Variants in NIPA1 observed in about 807,000 individuals in gnomAD.
The protein encoded by NIPA1 is NIPA magnesium transporter 1.
In NIPA1, 13 loss-of-function variants were observed where a neutral mutation model predicts 23.9. The observed-to-expected ratio is 0.54, with a 90% CI of 0.35 to 0.87. The LOEUF (loss-of-function observed/expected upper bound fraction) is 0.87, where lower values mean the gene tolerates loss of function less well. Among genes scored for constraint, NIPA1 ranks in the 40% least tolerant of loss-of-function variants. The probability of loss-of-function intolerance (pLI) is 0.01; values close to 1 mark genes in which losing one functional copy is unlikely to be tolerated. For synonymous variants in NIPA1, 234 were observed against 202.9 expected (o/e 1.15, Z -1.30); for missense variants, 362 against 429.7 (o/e 0.84, Z 1.39).
intron 1 of NIPA1, among the ~76,000 whole-genome samples, chr15:22,789,125 G>A (rs1894775832): frequency 6.6e-6 from 1 of 151,510 alleles, no homozygotes; most frequent in Non-Finnish European, 1.5e-5. Context: ...CCCGAGCTGG[G>A]ATTACAGGCG....
rs550105673 is a variant in NIPA1 at position 22,813,008 on chromosome 15, G to A, written c.317+755G>A. 5.3e-5 allele frequency among the ~76,000 whole-genome samples: 8 copies of A among 152,288 alleles called. No individual in the cohort carries two copies. The East Asian group carries it at 7.7e-4, about 15-fold the overall frequency. On this transcript the variant is annotated intron_variant, in intron 3 of 4. Coordinates refer to ENST00000337435, the MANE Select transcript of NIPA1 (RefSeq NM_144599.5). ...ACAGAGGTTGGGATGAATAATACAC[G>A]GCATCAATGGATGTGAAATAGGATT...
chr15:22,813,980 A>G (rs1024088697), intron 3 of NIPA1: 36 of 503,890 alleles, frequency 7.1e-5, no homozygotes, highest in Middle Eastern at 3.2e-4. Context: ...TTGAATGCAC[A>G]TATACTAAAA....
chr15:22,812,083 G>T, intron 2 of NIPA1, 80 bp from the exon 3 acceptor site: 1 of 1,065,752 alleles, frequency 9.4e-7, no homozygotes, highest in Non-Finnish European at 1.4e-6. Flanking sequence ...TCAGGGCAGA[G>T]CCTAGCGTAA....
In NIPA1 at chr15:22,810,765, A is replaced by G. The variant is rs1408250582; in HGVS notation, c.195A>G (p.Thr65=). ...TTTTTATAGGTACTTCCTATTTAAC[A>G]GACATTGTGTGGTGGGCTGGCACAA... ...RAKRRGTSYL[T]DIVWWAGTIA... is the part of the protein sequence containing the mutation. The change falls in exon 2 of 5, where the codon ACA becomes ACG. Residue 65 remains threonine, a synonymous_variant. Transcript: ENST00000337435. 5 of 1,609,950 alleles carry G rather than the reference A, an allele frequency of 3.1e-6. No individual in the cohort carries two copies. Among genetic ancestry groups the G allele is most frequent in the African/African-American group, 1.3e-5 (1 of 74,834 alleles).
At chr15:22,810,911 G>A (rs376148707) in intron 2 of NIPA1, 115 bp downstream of exon 2, 19 of 830,580 alleles carry the variant, frequency 2.3e-5, no homozygotes, top group African/African-American at 6.7e-5. Flanking sequence ...AGAGGGTGTC[G>A]CGTGGCCTCT....
At chr15:22,795,253 G>T (rs141385178) in intron 1 of NIPA1, among the ~76,000 whole-genome samples, 1 of 152,006 alleles carries the variant, frequency 6.6e-6, no homozygotes, top group Admixed American at 6.6e-5. Context: ...GCCTGTGCTT[G>T]GTTTCCTTAA....
At chr15:22,809,590 C>A (rs1348218646) in intron 1 of NIPA1, among the ~76,000 whole-genome samples, 9 of 150,896 alleles carry the variant, frequency 6.0e-5, no homozygotes, top group Admixed American at 6.0e-4. Context: ...ACTAAAAATT[C>A]AAAAATTAGC....
chr15:22,816,561 G>A (rs1398206036), intron 3 of NIPA1, among the ~76,000 whole-genome samples: 22 of 136,496 alleles, frequency 1.6e-4, no homozygotes, highest in Admixed American at 2.5e-4. Context: ...GTGTGCTGTC[G>A]GCTCACTGCA....
chr15:22,788,813 G>T (rs1353411756), intron 1 of NIPA1, among the ~76,000 whole-genome samples: 2 of 146,784 alleles, frequency 1.4e-5, no homozygotes, highest in Non-Finnish European at 3.0e-5. Context: ...CAGCTACTCG[G>T]GAGGCTGAGG....
rs1307384166 is a variant in NIPA1 at position 22,824,273 on chromosome 15, G to A, written c.*34G>A. ...AGGAGCTTGGATGGTTCGAGGAATAGGCATTGGAGGTGGTTTCTGGCCGTG... is the reference window on the plus strand; with the variant it reads ...AGGAGCTTGGATGGTTCGAGGAATAAGCATTGGAGGTGGTTTCTGGCCGTG... On this transcript the variant is annotated 3_prime_UTR_variant, in exon 5 of 5. Transcript: ENST00000337435. The surrounding 1 kb of genome is among the most constrained non-coding windows in gnomAD (Gnocchi z 4.1). The A allele has an allele frequency of 5.7e-6, 9 of 1,582,764 alleles. No individual in the cohort carries two copies. Among genetic ancestry groups the A allele is most frequent in the Non-Finnish European group, 7.8e-6 (9 of 1,151,604 alleles).
chr15:22,793,920 G>A (rs972083817), intron 1 of NIPA1, among the ~76,000 whole-genome samples: 1 of 152,066 alleles, frequency 6.6e-6, no homozygotes, highest in Non-Finnish European at 1.5e-5. Context: ...CTGTCCCATT[G>A]GTCTGTGTGT....
At chr15:22,801,349 G>A (rs1895074055) in intron 1 of NIPA1, among the ~76,000 whole-genome samples, 2 of 151,900 alleles carry the variant, frequency 1.3e-5, no homozygotes, top group South Asian at 2.1e-4. Context: ...ACATCTACCC[G>A]TCATGTATCA....
intron 1 of NIPA1, among the ~76,000 whole-genome samples, chr15:22,800,462 G>T (rs985619250): frequency 6.6e-6 from 1 of 152,034 alleles, no homozygotes; most frequent in Non-Finnish European, 1.5e-5. Flanking sequence ...AGACCTACAC[G>T]TTGGGTGGTA....
chr15:22,799,731 G>C (rs1206189604), intron 1 of NIPA1, among the ~76,000 whole-genome samples: 1 of 150,298 alleles, frequency 6.7e-6, no homozygotes, highest in Non-Finnish European at 1.5e-5. Flanking sequence ...GCAGTGAGCC[G>C]AGATCGCACC....
intron 4 of NIPA1, among the ~76,000 whole-genome samples, chr15:22,822,107 A>G (rs545436963): frequency 5.3e-5 from 8 of 152,262 alleles, no homozygotes; most frequent in South Asian, 2.1e-4. Context: ...AGGTCTTGCT[A>G]TCAACAAAAT....
intron 1 of NIPA1, among the ~76,000 whole-genome samples, chr15:22,803,064 C>G (rs7170043): frequency 0.069 from 10,440 of 152,084 alleles, 780 homozygotes; most frequent in African/African-American, 0.18. Flanking sequence ...TCAAGCGATT[C>G]TCCTGCCTCA....
intron 1 of NIPA1, among the ~76,000 whole-genome samples, chr15:22,793,812 T>C: frequency 6.6e-6 from 1 of 152,308 alleles, no homozygotes; most frequent in East Asian, 1.9e-4. Context: ...CTAGCTACAT[T>C]TATTGAAAAG....
chr15:22,803,846 A>G (rs1895142021), intron 1 of NIPA1, among the ~76,000 whole-genome samples: 1 of 151,004 alleles, frequency 6.6e-6, no homozygotes, highest in Non-Finnish European at 1.5e-5. Flanking sequence ...CGCCCGGCTA[A>G]TTTTTTGTAT....
rs1331686243 is a variant in NIPA1, at chr15:22,812,234, G to A, written c.298G>A (p.Ala100Thr). 6.2e-7 allele frequency: 1 copy of A among 1,612,970 alleles called. No homozygotes were observed. Among genetic ancestry groups the A allele is most frequent in the Non-Finnish European group, 8.5e-7 (1 of 1,179,084 alleles). ...CACGGTCCTGGTAACCCCCCTGGGCGCCCTTGGAGTACCGTTCGGGTGAGA... is the reference window on the plus strand; with the variant it reads ...CACGGTCCTGGTAACCCCCCTGGGCACCCTTGGAGTACCGTTCGGGTGAGA... The part of the protein sequence containing the change: ...VPTVLVTPLG[A>T]LGVPFGSILA... The change falls in exon 3 of 5, where the codon GCC (alanine) becomes ACC (threonine). Residue 100 changes from alanine (A) to threonine (T), a missense_variant. Around this residue, in one of 2 missense-constraint regions of NIPA1, gnomAD observed 277 missense variants for 372.0 expected, o/e 0.74. Transcript: ENST00000337435.
Sources: allele counts gnomAD v4.1 joint callset (sites outside exome capture counted in the v4.1 genomes callset), GRCh38; gene constraint gnomAD v4.1.1; regional missense constraint gnomAD v4.1.1; non-coding constraint Gnocchi (gnomAD v3.1); transcripts MANE v1.5; gene names NCBI Gene and HGNC (gene_info 2026-07-23, HGNC 2026-07-21).